TYW1B: variants seen among roughly 807,000 people sequenced by gnomAD.
TYW1B encodes the protein tRNA-yW synthesizing protein 1 homolog B.
TYW1B carries 73 observed loss-of-function variants against 86.9 expected under a neutral mutation model. The observed-to-expected ratio is 0.84, with a 90% CI of 0.70 to 1.02. The LOEUF is 1.02. TYW1B is among the 50% of genes least tolerant of loss of function. The pLI is 0.00. For missense variants in TYW1B, 637 were observed against 827.4 expected (o/e 0.77, Z 2.82); for synonymous variants, 248 against 292.8 (o/e 0.85, Z 1.56).
chr7:72,629,583 G>A (rs1812434230), intron 11 of TYW1B, among the ~76,000 whole-genome samples: 1 of 152,052 alleles, frequency 6.6e-6, no homozygotes, highest in African/African-American at 2.4e-5. Flanking sequence ...GTCTCGCTCT[G>A]TTGTCCAGGC....
At chr7:72,773,968 G>C (rs1194019709) in intron 7 of TYW1B, among the ~76,000 whole-genome samples, 3 of 151,480 alleles carry the variant, frequency 2.0e-5, no homozygotes, top group African/African-American at 7.3e-5. Context: ...GGGAGGCTGA[G>C]GCAGGAGAAT....
intron 7 of TYW1B, among the ~76,000 whole-genome samples, chr7:72,773,562 C>T (rs1303743609): frequency 4.6e-5 from 7 of 152,116 alleles, no homozygotes; most frequent in African/African-American, 1.4e-4. Context: ...ACAAAGGTGG[C>T]TACAGTTTGC....
intron 7 of TYW1B, among the ~76,000 whole-genome samples, chr7:72,751,911 G>C (rs1228864472): frequency 2.0e-5 from 3 of 152,264 alleles, no homozygotes; most frequent in Non-Finnish European, 2.9e-5. Context: ...AGCTATCTGA[G>C]GGGGAGGGAG....
chr7:72,744,582 C>T lies in TYW1B; in HGVS notation c.984G>A (p.Arg328=), dbSNP rs782728926. 4 of 1,613,830 alleles carry T rather than the reference C, an allele frequency of 2.5e-6. No individual in the cohort carries two copies. The highest frequency in any genetic ancestry group is 4.5e-5 in the East Asian group (2 of 44,884). ...LTKQVDAPRE[R]SLLQTHILWN... is the part of the protein sequence containing the mutation. Reference sequence around the variant, plus strand: ...ATAGAATGTGTGTTTGTAACAAGCTCCTCTCCCTCGGAGCATCGACTATGA... The same window carrying T: ...ATAGAATGTGTGTTTGTAACAAGCTTCTCTCCCTCGGAGCATCGACTATGA... The change falls in exon 8 of 14, where the codon AGG becomes AGA. Residue 328 remains arginine, a synonymous_variant. Coordinates refer to ENST00000620995, the MANE Select transcript of TYW1B (RefSeq NM_001145440.3).
At chr7:72,754,828 A>G (rs1787559623) in intron 7 of TYW1B, among the ~76,000 whole-genome samples, 1 of 152,162 alleles carries the variant, frequency 6.6e-6, no homozygotes, top group African/African-American at 2.4e-5. Flanking sequence ...GTAATGCCAG[A>G]CTATGTTTGT....
At chr7:72,708,853 C>T (rs1454420662) in intron 10 of TYW1B, among the ~76,000 whole-genome samples, 1 of 152,182 alleles carries the variant, frequency 6.6e-6, no homozygotes, top group Non-Finnish European at 1.5e-5. Flanking sequence ...TGTTGCACTA[C>T]TCTATAGCCC....
intron 7 of TYW1B, among the ~76,000 whole-genome samples, chr7:72,766,613 CA>C (rs56738770): frequency 1.2e-3 from 102 of 82,922 alleles, no homozygotes; most frequent in Admixed American, 1.7e-3. Flanking sequence ...GATTCAGTCT[CA>C]AAAAAAAAAA....
chr7:72,681,890 T>C (rs79005106), intron 11 of TYW1B, among the ~76,000 whole-genome samples: 1 of 151,302 alleles, frequency 6.6e-6, no homozygotes, highest in Non-Finnish European at 1.5e-5. Flanking sequence ...CGGCCGTCTG[T>C]TTTTTTAGAT....
At chr7:72,720,722 AC>A (rs566601551) in intron 9 of TYW1B, among the ~76,000 whole-genome samples, 111 of 152,274 alleles carry the variant, frequency 7.3e-4, no homozygotes, top group Non-Finnish European at 1.2e-3. Flanking sequence ...AGGAAATATG[AC>A]AGAAATTGAA....
intron 13 of TYW1B, among the ~76,000 whole-genome samples, chr7:72,582,329 G>T (rs1424832954): frequency 6.6e-6 from 1 of 152,066 alleles, no homozygotes; most frequent in African/African-American, 2.4e-5. Context: ...AGAGAAAATC[G>T]AATGAGAAAA....
chr7:72,821,295 T>A (rs1353038974), intron 2 of TYW1B, among the ~76,000 whole-genome samples: 7 of 152,150 alleles, frequency 4.6e-5, no homozygotes, highest in Non-Finnish European at 1.0e-4. Context: ...TTCCTGATAA[T>A]GAGAAAGATT....
intron 9 of TYW1B, among the ~76,000 whole-genome samples, chr7:72,720,783 T>C (rs1268319357): frequency 3.9e-5 from 6 of 152,156 alleles, no homozygotes; most frequent in Middle Eastern, 3.2e-3. Flanking sequence ...AGTTCTAGGG[T>C]ACATGTGAGC....
intron 11 of TYW1B, among the ~76,000 whole-genome samples, chr7:72,658,182 T>C (rs1361348563): frequency 6.6e-6 from 1 of 150,568 alleles, no homozygotes; most frequent in Non-Finnish European, 1.5e-5. Flanking sequence ...ACCCACGAGG[T>C]GGAACTTGCA....
chr7:72,593,694 C>T (rs1482183635), intron 13 of TYW1B, among the ~76,000 whole-genome samples: 8 of 151,064 alleles, frequency 5.3e-5, no homozygotes, highest in South Asian at 2.1e-4. Flanking sequence ...TGGTGGCGGG[C>T]GCCTGTAGTC....
chr7:72,636,830 A>G (rs868951177), intron 11 of TYW1B, among the ~76,000 whole-genome samples: 7 of 152,286 alleles, frequency 4.6e-5, no homozygotes, highest in Non-Finnish European at 8.8e-5. Flanking sequence ...AGTTGCTTCT[A>G]TGCTTATGAG....
At chr7:72,791,795 A>G (rs1426628054) in intron 6 of TYW1B, among the ~76,000 whole-genome samples, 1 of 152,084 alleles carries the variant, frequency 6.6e-6, no homozygotes, top group Non-Finnish European at 1.5e-5. Context: ...AACAAAAAGA[A>G]CAATGGAACT....
chr7:72,598,842 A>C (rs57053004), intron 13 of TYW1B, among the ~76,000 whole-genome samples: 13,733 of 152,010 alleles, frequency 0.09, 705 homozygotes, highest in African/African-American at 0.15. Flanking sequence ...CCCAGAGAGG[A>C]AGGAGGAAGG....
chr7:72,754,926 A>C (rs528792242), intron 7 of TYW1B, among the ~76,000 whole-genome samples: 48 of 152,312 alleles, frequency 3.2e-4, no homozygotes, highest in African/African-American at 1.1e-3. Context: ...TTGTAAAATT[A>C]TGTATGTGAT....
intron 11 of TYW1B, among the ~76,000 whole-genome samples, chr7:72,691,138 A>G (rs1383046545): frequency 1.3e-5 from 2 of 152,232 alleles, no homozygotes; most frequent in Non-Finnish European, 2.9e-5. Context: ...CAGTAAAACA[A>G]ATCTTTCTTA....
Sources: allele counts gnomAD v4.1 joint callset (sites outside exome capture counted in the v4.1 genomes callset), GRCh38; gene constraint gnomAD v4.1.1; transcripts MANE v1.5; gene names NCBI Gene and HGNC (gene_info 2026-07-23, HGNC 2026-07-21).